The following SLC24A2 variants were observed in gnomAD, a reference collection of about 807,000 sequenced individuals.
SLC24A2 encodes sodium/potassium/calcium exchanger 2.
In SLC24A2, 36 loss-of-function variants were observed where a neutral mutation model predicts 62.0. The observed-to-expected ratio is 0.58, with a 90% CI of 0.44 to 0.77. SLC24A2 has a LOEUF of 0.77. Among genes scored for constraint, SLC24A2 ranks in the 30% least tolerant of loss-of-function variants. The pLI is 0.00. For missense variants in SLC24A2, 846 were observed against 817.9 expected (o/e 1.03, Z -0.42); for synonymous variants, 358 against 294.0 (o/e 1.22, Z -2.23).
the SLC24A2 span, among the ~76,000 whole-genome samples, chr9:19,979,633 C>A: frequency 6.6e-6 from 1 of 152,166 alleles, no homozygotes. Context: ...TACAAATGGC[C>A]TTGCTCTCTT....
At chr9:19,643,605 C>T (rs955536894) in intron 2 of SLC24A2, among the ~76,000 whole-genome samples, 2 of 152,166 alleles carry the variant, frequency 1.3e-5, no homozygotes, top group Non-Finnish European at 2.9e-5. Flanking sequence ...GGATAACAGC[C>T]CCGAACTCTC....
intron 5 of SLC24A2, among the ~76,000 whole-genome samples, chr9:19,581,258 G>A (rs1303376980): frequency 6.6e-6 from 1 of 152,162 alleles, no homozygotes. Context: ...TTCTGCAATT[G>A]AGAAGGTCAA....
At chr9:19,824,946 C>G in the SLC24A2 span, among the ~76,000 whole-genome samples, 2 of 152,122 alleles carry the variant, frequency 1.3e-5, no homozygotes, top group African/African-American at 4.8e-5. Context: ...TGCATGTTCT[C>G]ACTCATAAGT....
At chr9:19,971,311 G>A in the SLC24A2 span, among the ~76,000 whole-genome samples, 3 of 152,164 alleles carry the variant, frequency 2.0e-5, no homozygotes, top group African/African-American at 7.2e-5. Context: ...GTTTATTGTT[G>A]TGTCATTTGT....
At chr9:19,636,335 C>CTTTCTTTCTTTCTTTCTTTCTTTG (rs1818340764) in intron 2 of SLC24A2, among the ~76,000 whole-genome samples, 1 of 24,022 alleles carries the variant, frequency 4.2e-5, no homozygotes, top group Non-Finnish European at 8.4e-5. Context: ...TTCTTTCTTT[C>CTTTCTTTCTTTCTTTCTTTCTTTG]TTTCTTTCTT....
At chr9:19,661,441 G>T (rs533809078) in intron 2 of SLC24A2, among the ~76,000 whole-genome samples, 9 of 152,096 alleles carry the variant, frequency 5.9e-5, no homozygotes, top group Admixed American at 5.2e-4. Flanking sequence ...CTTTTGGATG[G>T]TTAAAGAAAT....
intron 7 of SLC24A2, among the ~76,000 whole-genome samples, chr9:19,555,893 T>C (rs1422593310): frequency 3.3e-5 from 5 of 152,238 alleles, no homozygotes; most frequent in Middle Eastern, 3.4e-3. Context: ...TGCAGTGAAC[T>C]GAGATCTTGC....
At chr9:20,220,511 C>G in the SLC24A2 span, among the ~76,000 whole-genome samples, 1 of 152,134 alleles carries the variant, frequency 6.6e-6, no homozygotes, top group Non-Finnish European at 1.5e-5. Context: ...AAATAGAAAT[C>G]TCTTTGATGA....
At chr9:20,036,624 A>C in the SLC24A2 span, among the ~76,000 whole-genome samples, 1 of 152,146 alleles carries the variant, frequency 6.6e-6, no homozygotes, top group African/African-American at 2.4e-5. Flanking sequence ...ACTTAGCAAA[A>C]CATCCTCCAG....
At chr9:20,271,192 T>G in the SLC24A2 span, among the ~76,000 whole-genome samples, 1 of 152,164 alleles carries the variant, frequency 6.6e-6, no homozygotes, top group Non-Finnish European at 1.5e-5. Flanking sequence ...CTAAATTAAT[T>G]CTCTTGCCCT....
At chr9:19,636,296 T>TCTC (rs1185309401) in intron 2 of SLC24A2, among the ~76,000 whole-genome samples, 1 of 43,742 alleles carries the variant, frequency 2.3e-5, no homozygotes, top group African/African-American at 8.9e-5. Flanking sequence ...CTTCTTTTCT[T>TCTC]TTCTTTTCTT....
At chr9:19,843,264 G>T in the SLC24A2 span, among the ~76,000 whole-genome samples, 1 of 152,218 alleles carries the variant, frequency 6.6e-6, no homozygotes, top group Non-Finnish European at 1.5e-5. Flanking sequence ...CACTTTGGGA[G>T]GCCAAGGTGG....
the SLC24A2 span, among the ~76,000 whole-genome samples, chr9:19,836,246 T>C: frequency 1.3e-5 from 2 of 151,910 alleles, no homozygotes; most frequent in Admixed American, 6.6e-5. Flanking sequence ...CTGAAGGAAA[T>C]AAGAGATATA....
intron 2 of SLC24A2, among the ~76,000 whole-genome samples, chr9:19,760,210 G>A (rs1362389129): frequency 6.6e-6 from 1 of 151,760 alleles, no homozygotes; most frequent in African/African-American, 2.4e-5. Flanking sequence ...TAAAATGTGG[G>A]CACTTGTCAG....
intron 10 of SLC24A2, among the ~76,000 whole-genome samples, chr9:19,519,815 G>C (rs1833103744): frequency 1.3e-5 from 2 of 152,192 alleles, no homozygotes. Flanking sequence ...GACAAGCATG[G>C]AGAGCTCTTC....
the SLC24A2 span, among the ~76,000 whole-genome samples, chr9:19,991,933 CAG>C: frequency 1.3e-5 from 2 of 152,068 alleles, no homozygotes; most frequent in Non-Finnish European, 2.9e-5. Flanking sequence ...GTAAAAGCAA[CAG>C]GACTTGGGGA....
At chr9:19,688,210 C>T (rs756649671) in intron 2 of SLC24A2, among the ~76,000 whole-genome samples, 1 of 152,038 alleles carries the variant, frequency 6.6e-6, no homozygotes, top group African/African-American at 2.4e-5. Flanking sequence ...GCGAAAAGAG[C>T]CCTGGATTTA....
chr9:19,990,960 A>T, the SLC24A2 span, among the ~76,000 whole-genome samples: 1 of 113,626 alleles, frequency 8.8e-6, no homozygotes, highest in Non-Finnish European at 2.0e-5. Context: ...TGTATTATAT[A>T]TACTATATAT....
chr9:19,941,970 A>C, the SLC24A2 span, among the ~76,000 whole-genome samples: 1 of 152,114 alleles, frequency 6.6e-6, no homozygotes, highest in Non-Finnish European at 1.5e-5. Flanking sequence ...AAAATATGAA[A>C]ATGTAGGGAT....
Sources: gnomAD v4.1 joint callset for allele counts (sites outside exome capture counted in the v4.1 genomes callset) on GRCh38, gnomAD v4.1.1 for gene constraint, MANE v1.5 for transcripts, NCBI Gene and HGNC (gene_info 2026-07-23, HGNC 2026-07-21) for gene names.